The following ROR1 variants were observed in gnomAD, a reference collection of about 807,000 sequenced individuals.
The protein encoded by ROR1 is ROR family WNT receptor 1.
In ROR1, 19 loss-of-function variants were observed where a neutral mutation model predicts 78.8. That is an observed-to-expected ratio of 0.24 (90% CI 0.17 to 0.35). ROR1 has a LOEUF of 0.35. Ranked by LOEUF, ROR1 falls within the 10% of genes least tolerant of loss-of-function variation. The probability of loss-of-function intolerance (pLI) is 1.00; values close to 1 mark genes in which losing one functional copy is unlikely to be tolerated. For missense variants in ROR1, 917 were observed against 1,177.8 expected (o/e 0.78, Z 3.24); for synonymous variants, 386 against 433.6 (o/e 0.89, Z 1.36).
chr1:64,106,952 T>G (rs1647843046), intron 4 of ROR1: 1 of 152,478 alleles, frequency 6.6e-6, no homozygotes, highest in Admixed American at 6.5e-5. Context: ...ACCTTGCCAG[T>G]TCCTCTGTCC....
intron 1 of ROR1, among the ~76,000 whole-genome samples, chr1:63,853,317 G>A (rs929882345): frequency 1.1e-4 from 17 of 152,078 alleles, no homozygotes; most frequent in African/African-American, 3.6e-4. Flanking sequence ...TGTTAGCCTC[G>A]TTTTATAGAT....
chr1:64,024,990 A>C (rs560273806), intron 2 of ROR1, among the ~76,000 whole-genome samples: 2 of 152,082 alleles, frequency 1.3e-5, no homozygotes, highest in Non-Finnish European at 2.9e-5. Context: ...TTTTGTTTGC[A>C]TGTATATTTT....
chr1:63,802,834 A>G (rs1644804999), intron 1 of ROR1, among the ~76,000 whole-genome samples: 1 of 152,254 alleles, frequency 6.6e-6, no homozygotes, highest in Non-Finnish European at 1.5e-5. Context: ...ACTGTCCAAT[A>G]AAATTATAAT....
At chr1:64,147,812 T>C (rs1179223489) in intron 7 of ROR1, among the ~76,000 whole-genome samples, 1 of 152,144 alleles carries the variant, frequency 6.6e-6, no homozygotes. Flanking sequence ...ACCACTGCTC[T>C]TTGTTCTACA....
At chr1:63,907,030 T>C (rs1157316672) in intron 1 of ROR1, among the ~76,000 whole-genome samples, 1 of 152,122 alleles carries the variant, frequency 6.6e-6, no homozygotes, top group Non-Finnish European at 1.5e-5. Flanking sequence ...TAACTGTTGT[T>C]TGTTGGTTGG....
At chr1:63,837,153 C>T (rs978911210) in intron 1 of ROR1, among the ~76,000 whole-genome samples, 1 of 152,212 alleles carries the variant, frequency 6.6e-6, no homozygotes, top group African/African-American at 2.4e-5. Flanking sequence ...GTGAGAGCCA[C>T]ATGACAAGTG....
intron 4 of ROR1, among the ~76,000 whole-genome samples, chr1:64,097,844 G>A (rs1254705060): frequency 6.6e-6 from 1 of 152,084 alleles, no homozygotes. Context: ...AGCTGTGGTG[G>A]ACAATTTGAG....
chr1:63,864,472 G>A (rs921306067), intron 1 of ROR1, among the ~76,000 whole-genome samples: 1 of 152,174 alleles, frequency 6.6e-6, no homozygotes, highest in African/African-American at 2.4e-5. Context: ...CTTGGAAATT[G>A]TGTGCCAAAT....
intron 4 of ROR1, among the ~76,000 whole-genome samples, chr1:64,051,467 T>A (rs11208344): frequency 0.14 from 3,369 of 24,634 alleles, 111 homozygotes; most frequent in Non-Finnish European, 0.22. Flanking sequence ...AAAAATAAAA[T>A]AAAATAAAAT....
chr1:63,810,900 C>T (rs546181490), intron 1 of ROR1, among the ~76,000 whole-genome samples: 22 of 152,026 alleles, frequency 1.4e-4, no homozygotes, highest in Non-Finnish European at 2.5e-4. Flanking sequence ...TAACTACAAA[C>T]GGTAAAGAAA....
intron 2 of ROR1, among the ~76,000 whole-genome samples, chr1:64,032,007 A>G (rs1466957618): frequency 2.0e-5 from 3 of 151,962 alleles, no homozygotes; most frequent in South Asian, 2.1e-4. Flanking sequence ...TTCTTTTCCT[A>G]GGAAAAATAT....
chr1:64,160,279 AT>A (rs1291100570), intron 8 of ROR1, among the ~76,000 whole-genome samples: 2 of 148,928 alleles, frequency 1.3e-5, no homozygotes, highest in Non-Finnish European at 3.0e-5. Flanking sequence ...CAGAGCCCTC[AT>A]TTTTTTTTCT....
chr1:64,129,822 T>C (rs1648848366), intron 4 of ROR1, among the ~76,000 whole-genome samples: 1 of 152,236 alleles, frequency 6.6e-6, no homozygotes, highest in Non-Finnish European at 1.5e-5. Context: ...GTTTGTGAGA[T>C]ACAAGCCTGG....
chr1:64,014,728 C>T (rs1772612), intron 2 of ROR1, among the ~76,000 whole-genome samples: 28,306 of 46,174 alleles, frequency 0.61, 10,679 homozygotes, highest in East Asian at 0.86. Flanking sequence ...TATATATATA[C>T]ACATACGCAC....
chr1:63,887,592 A>G (rs1645365743), intron 1 of ROR1, among the ~76,000 whole-genome samples: 2 of 152,142 alleles, frequency 1.3e-5, no homozygotes, highest in South Asian at 4.1e-4. Context: ...CCCAGAGGCA[A>G]TCACTTTCTG....
intron 2 of ROR1, among the ~76,000 whole-genome samples, chr1:64,048,189 C>T (rs952153229): frequency 1.1e-4 from 17 of 152,256 alleles, no homozygotes; most frequent in Middle Eastern, 3.4e-3. Context: ...AAATTTGTGG[C>T]GTTCTACCTG....
chr1:64,060,230 A>G (rs1646906633), intron 4 of ROR1, among the ~76,000 whole-genome samples: 1 of 152,224 alleles, frequency 6.6e-6, no homozygotes. Context: ...AAGATGATGC[A>G]TATATAGTAG....
chr1:64,167,368 G>T (rs1569878915), intron 8 of ROR1, among the ~76,000 whole-genome samples: 1 of 152,296 alleles, frequency 6.6e-6, no homozygotes, highest in Non-Finnish European at 1.5e-5. Flanking sequence ...ATAGAGAAAA[G>T]AAATGCTTCT....
At chr1:63,841,269 T>A (rs780543361) in intron 1 of ROR1, among the ~76,000 whole-genome samples, 3 of 152,226 alleles carry the variant, frequency 2.0e-5, no homozygotes, top group Non-Finnish European at 4.4e-5. Flanking sequence ...TGGAACTAAA[T>A]TCCGGTCTGG....
Sources: gnomAD v4.1 joint callset for allele counts (sites outside exome capture counted in the v4.1 genomes callset) on GRCh38, gnomAD v4.1.1 for gene constraint, MANE v1.5 for transcripts, NCBI Gene and HGNC (gene_info 2026-07-23, HGNC 2026-07-21) for gene names.